Variants in FOXP2 observed in about 807,000 individuals in gnomAD.
FOXP2 encodes the protein forkhead box protein P2.
A neutral mutation model predicts 115.8 loss-of-function variants in FOXP2; 12 were observed. The observed-to-expected ratio is 0.10, with a 90% confidence interval of 0.07 to 0.17. The LOEUF is 0.17. Among genes scored for constraint, FOXP2 ranks in the 10% least tolerant of loss-of-function variants. FOXP2 has a pLI of 1.00. For missense variants in FOXP2, 629 were observed against 843.5 expected (o/e 0.75, Z 3.15); for synonymous variants, 328 against 297.7 (o/e 1.10, Z -1.05).
chr7:114,255,715 G>A (rs1316741110), intron 1 of FOXP2, among the ~76,000 whole-genome samples: 1 of 152,138 alleles, frequency 6.6e-6, no homozygotes, highest in Non-Finnish European at 1.5e-5. Flanking sequence ...GCTAGGAAAG[G>A]GAAATTCCTG....
Position 114,301,994 on chromosome 7 carries a change from A to G in FOXP2, c.-11+13885A>G, listed in dbSNP as rs562434254. On this transcript the variant is annotated intron_variant, in intron 2 of 17. Transcript: ENST00000634411. Reference sequence around the variant, plus strand: ...CAAGCTCAGCATTAGTGATTTGTATAAAAAGCAGAAATGATTAAAGATAAA... The same window carrying G: ...CAAGCTCAGCATTAGTGATTTGTATGAAAAGCAGAAATGATTAAAGATAAA... Among the ~76,000 whole-genome samples, 7 of 152,310 alleles carry G rather than the reference A, an allele frequency of 4.6e-5. No individual in the cohort carries two copies. The South Asian group carries it at 6.2e-4, about 14-fold the overall frequency.
In FOXP2 at chr7:114,393,073, C is replaced by G. The variant is rs574830705; in HGVS notation, c.-10-33429C>G. Among the ~76,000 whole-genome samples the G allele has an allele frequency of 1.4e-4, 21 of 152,140 alleles. No homozygotes were observed. In the South Asian group the frequency reaches 4.4e-3, roughly 32 times the overall value. On this transcript the variant is annotated intron_variant, in intron 2 of 17. Coordinates refer to the FOXP2 transcript ENST00000634411. ...CAGTATATAATGAACTTAGCATAGT[C>G]ATTGTAATTATGGTAGTTGAGACAT... is the stretch of plus-strand genomic sequence containing the variant.
intron 16 of FOXP2, among the ~76,000 whole-genome samples, chr7:114,670,712 C>T (rs1392933626): frequency 2.0e-5 from 3 of 151,958 alleles, no homozygotes; most frequent in African/African-American, 7.2e-5. Flanking sequence ...TATTTGTAGG[C>T]ACATGTAGAA....
intron 16 of FOXP2, 87 bp from the exon 17 acceptor site, chr7:114,689,695 T>C: frequency 2.1e-6 from 3 of 1,404,780 alleles, no homozygotes; most frequent in Non-Finnish European, 3.0e-6. Flanking sequence ...TCTTGCCTTT[T>C]TTCAGTTGAC....
intron 1 of FOXP2, among the ~76,000 whole-genome samples, chr7:114,093,587 T>G (rs1481913568): frequency 6.6e-6 from 1 of 151,856 alleles, no homozygotes; most frequent in Non-Finnish European, 1.5e-5. Context: ...AGAAGTTACT[T>G]CCATCTATAT....
At chr7:114,378,099 T>A (rs1178651333) in intron 2 of FOXP2, among the ~76,000 whole-genome samples, 1 of 152,150 alleles carries the variant, frequency 6.6e-6, no homozygotes, top group Non-Finnish European at 1.5e-5. Context: ...TCATCCTAAT[T>A]GTGAATATAA....
intron 14 of FOXP2, among the ~76,000 whole-genome samples, chr7:114,662,421 T>C (rs1445604776): frequency 1.3e-5 from 2 of 152,078 alleles, no homozygotes; most frequent in African/African-American, 4.8e-5. Context: ...CAATTCAGCA[T>C]TTCTACGTGT....
At chr7:114,411,068 G>GA (rs932692900), upstream of FOXP2, among the ~76,000 whole-genome samples, 2 of 152,062 alleles carry the variant, frequency 1.3e-5, no homozygotes, top group Non-Finnish European at 2.9e-5. Flanking sequence ...ATGGCAATGG[G>GA]AAAAAAGACA....
At chr7:114,448,068 T>G (rs1215353614) in intron 2 of FOXP2, among the ~76,000 whole-genome samples, 1 of 152,180 alleles carries the variant, frequency 6.6e-6, no homozygotes, top group Non-Finnish European at 1.5e-5. Flanking sequence ...CCAAGTTCAT[T>G]GCAACGTCCA....
chr7:114,410,797 C>G (rs1793143749), upstream of FOXP2, among the ~76,000 whole-genome samples: 1 of 151,868 alleles, frequency 6.6e-6, no homozygotes, highest in Non-Finnish European at 1.5e-5. Flanking sequence ...CTCAACTATT[C>G]TTTCTCTGAA....
intron 1 of FOXP2, among the ~76,000 whole-genome samples, chr7:114,153,757 C>T (rs1163643345): frequency 6.8e-6 from 1 of 146,786 alleles, no homozygotes; most frequent in Non-Finnish European, 1.6e-5. Context: ...ATTTGTAGCT[C>T]TTTCTTTTCA....
At chr7:114,282,391 A>T (rs530601004) in intron 1 of FOXP2, among the ~76,000 whole-genome samples, 21 of 152,280 alleles carry the variant, frequency 1.4e-4, no homozygotes, top group African/African-American at 5.1e-4. Context: ...AATATAATTG[A>T]TTTTGCTCCA....
chr7:114,538,223 AT>A, intron 3 of FOXP2: 5 of 819,084 alleles, frequency 6.1e-6, no homozygotes, highest in South Asian at 1.4e-5. Context: ...ATTTAAAAAA[AT>A]TTTTGTAAAA....
intron 1 of FOXP2, among the ~76,000 whole-genome samples, chr7:114,202,488 C>G (rs1461488318): frequency 6.6e-6 from 1 of 152,172 alleles, no homozygotes; most frequent in Non-Finnish European, 1.5e-5. Flanking sequence ...ACCCAAATTC[C>G]AGACCTGGCA....
At chr7:114,256,654 C>G (rs1383552845) in intron 1 of FOXP2, among the ~76,000 whole-genome samples, 1 of 152,170 alleles carries the variant, frequency 6.6e-6, no homozygotes, top group African/African-American at 2.4e-5. Context: ...TGTGGGTTAG[C>G]TGTTCACTCT....
chr7:114,589,488 A>C (rs1270142870), intron 3 of FOXP2, among the ~76,000 whole-genome samples: 1 of 152,190 alleles, frequency 6.6e-6, no homozygotes, highest in African/African-American at 2.4e-5. Context: ...CTTAATTAGT[A>C]CATTTGTAAT....
intron 1 of FOXP2, among the ~76,000 whole-genome samples, chr7:114,176,330 C>CTT (rs1793308789): frequency 4.2e-5 from 5 of 117,818 alleles, no homozygotes; most frequent in African/African-American, 9.5e-5. Context: ...CTTTCTTTTT[C>CTT]TTTCTTTCTC....
In FOXP2 at chr7:114,251,906, A is replaced by G. The variant is rs1352632575; in HGVS notation, c.-101-36113A>G. 5.3e-5 allele frequency among the ~76,000 whole-genome samples: 8 copies of G among 152,180 alleles called. 1 individual carries two copies. Among genetic ancestry groups the G allele is most frequent in the Admixed American group, 2.0e-4 (3 of 15,264 alleles). On this transcript the variant is annotated intron_variant, in intron 1 of 17. Coordinates refer to the FOXP2 transcript ENST00000634411. ...GAATGCTTCCAGTTTTTGCCCATTC[A>G]GTATGATATTGGCTGTGGGTTTGTC... is the stretch of plus-strand genomic sequence containing the variant.
chr7:114,444,861 A>G (rs1471822974), intron 2 of FOXP2, among the ~76,000 whole-genome samples: 3 of 152,092 alleles, frequency 2.0e-5, no homozygotes, highest in African/African-American at 7.2e-5. Flanking sequence ...AACTCTTAAT[A>G]GTGGTTATGT....
Sources: allele counts gnomAD v4.1 joint callset (sites outside exome capture counted in the v4.1 genomes callset), GRCh38; gene constraint gnomAD v4.1.1; transcripts MANE v1.5; gene names NCBI Gene and HGNC (gene_info 2026-07-23, HGNC 2026-07-21).